Variants in TNK2 observed in about 807,000 individuals in gnomAD.
TNK2 encodes the protein tyrosine kinase non receptor 2.
Under a neutral mutation model 101.8 loss-of-function variants are expected in TNK2, and 83 were observed. The ratio of observed to expected loss-of-function variants is 0.82; its 90% CI spans 0.68 to 0.98. The LOEUF (loss-of-function observed/expected upper bound fraction) is 0.98, where lower values mean the gene tolerates loss of function less well. Ranked by LOEUF, TNK2 falls within the 50% of genes least tolerant of loss-of-function variation. TNK2 has a pLI of 0.00. For synonymous variants in TNK2, 804 were observed against 633.0 expected, an observed-to-expected ratio of 1.27 and a Z score of -4.06; for missense variants, 1,665 against 1,483.2, an observed-to-expected ratio of 1.12 and a Z score of -2.01.
At position 195,864,082 on chromosome 3, in the gene TNK2, G is replaced by C; in HGVS notation, c.*99C>G. 1 of 1,523,126 alleles carries C rather than the reference G, an allele frequency of 6.6e-7. No homozygotes were observed. Among genetic ancestry groups the C allele is most frequent in the Non-Finnish European group, 9.0e-7 (1 of 1,106,876 alleles). The allele number at this position is 1,523,126 out of a possible 1,614,324, so 94.4% of individuals were successfully genotyped here. ...CATCCCCGGGAGCAGCAGGAGCAGC[G>C]GGTCCTCCAGGACTGGATGGGGGCA... On this transcript the variant is annotated 3_prime_UTR_variant, in exon 16 of 16. Transcript: ENST00000672887.
intron 15 of TNK2, 34 bp downstream of exon 15, chr3:195,866,855 G>T: frequency 6.2e-7 from 1 of 1,600,422 alleles, no homozygotes; most frequent in Non-Finnish European, 8.5e-7. Context: ...CCCTCCTGGG[G>T]CACGGAGCGG....
chr3:195,873,231 C>T (rs554400644), intron 9 of TNK2, among the ~76,000 whole-genome samples: 25 of 152,332 alleles, frequency 1.6e-4, no homozygotes, highest in Admixed American at 3.3e-4. Flanking sequence ...ACCTCAGACA[C>T]GAAACCTCTG....
chr3:195,869,143 G>A (rs1032416814), intron 12 of TNK2: 38 of 529,490 alleles, frequency 7.2e-5, no homozygotes, highest in Non-Finnish European at 9.6e-5. Context: ...CCTTGGAGAG[G>A]ACAGTACTCC....
At chr3:195,903,650 G>A (rs1172744405) in intron 1 of TNK2, among the ~76,000 whole-genome samples, 1 of 152,110 alleles carries the variant, frequency 6.6e-6, no homozygotes, top group Non-Finnish European at 1.5e-5. Context: ...CCAGGAGGCA[G>A]AGGTTGCAGT....
Position 195,866,886 on chromosome 3 carries a change from C to G in TNK2, c.3161+3G>C, listed in dbSNP as rs920886075. On this transcript the variant is annotated splice_donor_region_variant and intron_variant, in intron 15 of 15. Coordinates refer to ENST00000672887, the MANE Select transcript of TNK2 (RefSeq NM_001382273.1). ...AGCGGGGCAGACTGTGGGGCTCACT[C>G]ACTTGTGGTGGGCAGGGCCCCAGGA... 1 of 1,609,934 alleles carries G rather than the reference C, an allele frequency of 6.2e-7. No homozygotes were observed. Among genetic ancestry groups the G allele is most frequent in the Admixed American group, 1.7e-5 (1 of 59,550 alleles).
intron 9 of TNK2, among the ~76,000 whole-genome samples, chr3:195,875,755 C>G (rs534963719): frequency 6.6e-6 from 1 of 152,312 alleles, no homozygotes; most frequent in South Asian, 2.1e-4. Flanking sequence ...ATGAGGACTT[C>G]CTGGGGGAGC....
chr3:195,882,465 G>A lies in TNK2; in HGVS notation c.610-137C>T. 1 of 1,547,272 alleles carries A rather than the reference G, an allele frequency of 6.5e-7. No homozygotes were observed. On this transcript the variant is annotated intron_variant, in intron 5 of 15. Transcript: ENST00000672887. This position sits in a 1 kb window ranked among gnomAD's most constrained non-coding sequence, Gnocchi z 4.2. ...CGCACCTTCCTGGCCTGCTGTCTGG[G>A]GACCTCTAGGAGTCCTGCAGTTTCT...
rs1756920225 is a variant in TNK2, at chr3:195,888,092, C to T, written c.163+334G>A. On this transcript the variant is annotated intron_variant, in intron 2 of 15. Transcript: ENST00000672887. This position sits in a 1 kb window ranked among gnomAD's most constrained non-coding sequence, Gnocchi z 5.3. ...TCCCTACAGATCTCTGCACATGGAC[C>T]CCCCGGTAGTCAGAATGATGAGAAC... Among the ~76,000 whole-genome samples, 1 of 151,892 alleles carries T rather than the reference C, an allele frequency of 6.6e-6. No homozygotes were observed. The highest frequency in any genetic ancestry group is 1.5e-5 in the Non-Finnish European group (1 of 67,978).
In TNK2 at chr3:195,895,633, G is replaced by A. The variant is rs939274147; in HGVS notation, c.-18-7027C>T. The A allele has an allele frequency of 8.6e-6, 11 of 1,284,032 alleles. No homozygotes were observed. The African/African-American group carries it at 1.4e-4, about 16-fold the overall frequency. 79.5% of individuals were successfully genotyped at this position (1,284,032 alleles called of 1,614,324 possible). ...CGGGCTGACCCCCACCGAGAGCCGG[G>A]GCTCTGCCTTCGCCGGCCGCGGAAC... On this transcript the variant is annotated intron_variant, in intron 1 of 15. Coordinates refer to ENST00000672887, the MANE Select transcript of TNK2 (RefSeq NM_001382273.1).
At chr3:195,879,880 G>A (rs545674018) in intron 6 of TNK2, among the ~76,000 whole-genome samples, 13 of 152,156 alleles carry the variant, frequency 8.5e-5, no homozygotes, top group African/African-American at 1.2e-4. Flanking sequence ...CCACTTCATC[G>A]TGCTGTTTAA....
Position 195,886,427 on chromosome 3 carries a change from C to T in TNK2, c.234+550G>A, listed in dbSNP as rs558123291. Among the ~76,000 whole-genome samples, 9 of 152,188 alleles carry T rather than the reference C, an allele frequency of 5.9e-5. No homozygotes were observed. The South Asian group carries it at 6.2e-4, about 11-fold the overall frequency. ...GGCTCACTTCCTCTCTCATTGTCTT[C>T]CAGACAATGGGCAAAGTTCCACTGA... On this transcript the variant is annotated intron_variant, in intron 3 of 15. Transcript: ENST00000672887. The surrounding 1 kb of genome is among the most constrained non-coding windows in gnomAD (Gnocchi z 4.2).
rs886348574 is a variant in TNK2, at chr3:195,887,009, C to G, written c.202G>C (p.Ala68Pro). 2 of 1,614,222 alleles carry G rather than the reference C, an allele frequency of 1.2e-6. No homozygotes were observed. The highest frequency in any genetic ancestry group is 2.7e-5 in the African/African-American group (2 of 75,066). The stretch of plus-strand genomic sequence containing the variant: ...ATCCACGACTTGCGTTTGCACAAGG[C>G]CTTCCTCCTCTTCACAGCCTCCCAC... ...RLWEAVKRRKALCKRKSWMSK... is the reference protein window; with the variant it reads ...RLWEAVKRRKPLCKRKSWMSK... The change falls in exon 3 of 16, where the codon GCC becomes CCC. Residue 68 changes from alanine (A) to proline (P), a missense_variant. Physicochemically the swap from Ala to Pro is conservative, Grantham distance 27. Coordinates refer to ENST00000672887, the MANE Select transcript of TNK2 (RefSeq NM_001382273.1).
At chr3:195,887,738 CGTGT>C (rs34356305) in intron 2 of TNK2, among the ~76,000 whole-genome samples, 6 of 151,956 alleles carry the variant, frequency 3.9e-5, no homozygotes, top group African/African-American at 1.5e-4. Flanking sequence ...TGTGTATGTG[CGTGT>C]GTGTGCACAC....
At chr3:195,901,667 C>T (rs2149854437) in intron 1 of TNK2, among the ~76,000 whole-genome samples, 1 of 152,250 alleles carries the variant, frequency 6.6e-6, no homozygotes, top group East Asian at 1.9e-4. Flanking sequence ...CTCAGGAAGA[C>T]ACTATGCGCC....
At chr3:195,903,077 T>G (rs1337211764) in intron 1 of TNK2, among the ~76,000 whole-genome samples, 4 of 130,604 alleles carry the variant, frequency 3.1e-5, no homozygotes, top group Admixed American at 7.7e-5. Flanking sequence ...TTTTTTCTTT[T>G]GTGACAGAGT....
rs1381134856 is a variant in TNK2, at chr3:195,882,182, G to A, written c.756C>T (p.Asp252=). 6.2e-7 allele frequency: 1 copy of A among 1,613,800 alleles called. No individual in the cohort carries two copies. Among genetic ancestry groups the A allele is most frequent in the African/African-American group, 1.3e-5 (1 of 74,936 alleles). The change falls in exon 6 of 16, where the codon GAC becomes GAT. Residue 252 remains aspartate (D), a synonymous_variant. Transcript: ENST00000672887. This position sits in a 1 kb window ranked among gnomAD's most constrained non-coding sequence, Gnocchi z 4.2. Reference sequence around the variant, plus strand: ...CCAACAGCAGATTGCGGGCAGCCAGGTCACGGTGAATAAAGCGCTTGGACT... The same window carrying A: ...CCAACAGCAGATTGCGGGCAGCCAGATCACGGTGAATAAAGCGCTTGGACT... ...YLESKRFIHR[D]LAARNLLLAT... is the part of the protein sequence containing the mutation.
chr3:195,885,036 G>T lies in TNK2; in HGVS notation c.235-3C>A. 1 of 1,587,344 alleles carries T rather than the reference G, an allele frequency of 6.3e-7. No homozygotes were observed. The highest frequency in any genetic ancestry group is 8.6e-7 in the Non-Finnish European group (1 of 1,163,714). The stretch of plus-strand genomic sequence containing the variant: ...TCCAGTCGCTTTCCACTGAACACCT[G>T]TTTGAAGGCAGCCGGGGGCCAGATG... On this transcript the variant is annotated splice_polypyrimidine_tract_variant and splice_region_variant and intron_variant, in intron 3 of 15. Coordinates refer to ENST00000672887, the MANE Select transcript of TNK2 (RefSeq NM_001382273.1). The surrounding 1 kb of genome is among the most constrained non-coding windows in gnomAD (Gnocchi z 4.7).
At position 195,870,345 on chromosome 3, in the gene TNK2, A is replaced by C. The variant is rs1056176689; in HGVS notation, c.1452-140T>G. ...ACAGGCCTCCCGCCTCCCAGTCCAC[A>C]GAACCTGACCGCACGTCTCAGCTGG... On this transcript the variant is annotated intron_variant, in intron 10 of 15. Coordinates refer to ENST00000672887, the MANE Select transcript of TNK2 (RefSeq NM_001382273.1). 4 of 1,519,592 alleles carry C rather than the reference A, an allele frequency of 2.6e-6. No homozygotes were observed. The Admixed American group carries it at 7.3e-5, about 28-fold the overall frequency. 94.1% of individuals were successfully genotyped at this position (1,519,592 alleles called of 1,614,324 possible).
Position 195,870,361 on chromosome 3 carries a change from T to C in TNK2, c.1452-156A>G, listed in dbSNP as rs1451452026. On this transcript the variant is annotated intron_variant, in intron 10 of 15. Coordinates refer to ENST00000672887, the MANE Select transcript of TNK2 (RefSeq NM_001382273.1). Reference sequence around the variant, plus strand: ...CCAGTCCACAGAACCTGACCGCACGTCTCAGCTGGGGGGTGTCCTGGAGAG... The same window carrying C: ...CCAGTCCACAGAACCTGACCGCACGCCTCAGCTGGGGGGTGTCCTGGAGAG... 5 of 1,497,378 alleles carry C rather than the reference T, an allele frequency of 3.3e-6. No individual in the cohort carries two copies. In the African/African-American group the frequency reaches 4.2e-5, roughly 13 times the overall value. The allele number at this position is 1,497,378 out of a possible 1,614,324, so 92.8% of individuals were successfully genotyped here. A position where few individuals can be genotyped will look rare whatever the true frequency, so the allele number is the denominator to read the frequency against.
Sources: gnomAD v4.1 joint callset for allele counts (sites outside exome capture counted in the v4.1 genomes callset) on GRCh38, gnomAD v4.1.1 for gene constraint, Gnocchi (gnomAD v3.1) non-coding constraint, MANE v1.5 for transcripts, NCBI Gene and HGNC (gene_info 2026-07-23, HGNC 2026-07-21) for gene names.